VPS13B: variants seen among roughly 807,000 people sequenced by gnomAD.
VPS13B encodes intermembrane lipid transfer protein VPS13B.
In VPS13B, 285 loss-of-function variants were observed where a neutral mutation model predicts 426.4. The observed-to-expected ratio is 0.67, with a 90% confidence interval of 0.61 to 0.74. The LOEUF (loss-of-function observed/expected upper bound fraction) is 0.74. Among genes scored for constraint, VPS13B ranks in the 30% least tolerant of loss-of-function variants. VPS13B has a pLI of 0.00. For synonymous variants in VPS13B, 1,676 were observed against 1,676.4 expected, an observed-to-expected ratio of 1.00 and a Z score of 0.01; for missense variants, 4,537 against 4,782.6, an observed-to-expected ratio of 0.95 and a Z score of 1.51.
At chr8:99,090,185 TAAGAG>T (rs942394349) in intron 3 of VPS13B, among the ~76,000 whole-genome samples, 1 of 152,110 alleles carries the variant, frequency 6.6e-6, no homozygotes, top group African/African-American at 2.4e-5. Context: ...CCACTTTTCT[TAAGAG>T]AAGCTCTACT....
intron 18 of VPS13B, 123 bp from the exon 19 acceptor site, chr8:99,274,958 A>G: frequency 1.2e-6 from 1 of 854,222 alleles, no homozygotes; most frequent in Non-Finnish European, 1.7e-6. Context: ...AATTAAATGT[A>G]TAGCTAATAT....
At position 99,534,144 on chromosome 8, in the gene VPS13B, G is replaced by A. The variant is rs568622056; in HGVS notation, c.4745+13134G>A. Among the ~76,000 whole-genome samples, 6 of 152,076 alleles carry A rather than the reference G, an allele frequency of 3.9e-5. No homozygotes were observed. The South Asian group carries it at 6.2e-4, about 16-fold the overall frequency. On this transcript the variant is annotated intron_variant, in intron 30 of 61. Coordinates refer to ENST00000357162, the MANE Select transcript of VPS13B (RefSeq NM_152564.5). ...AAAAGCTTTGTTTGAAAATATTATC[G>A]GCAGAGTTTTAGTGCGTCATGGTAT...
chr8:99,827,004 T>C (rs188819624), intron 51 of VPS13B, among the ~76,000 whole-genome samples: 116 of 152,322 alleles, frequency 7.6e-4, no homozygotes, highest in Non-Finnish European at 1.3e-3. Context: ...GCATCAGTGT[T>C]CATCAGGGAT....
At chr8:99,821,707 C>A (rs1563491415) in intron 50 of VPS13B, among the ~76,000 whole-genome samples, 2 of 152,008 alleles carry the variant, frequency 1.3e-5, no homozygotes, top group African/African-American at 2.4e-5. Flanking sequence ...AATAATTGTT[C>A]TATTTCAGAA....
intron 30 of VPS13B, among the ~76,000 whole-genome samples, chr8:99,535,840 A>G (rs1823182328): frequency 1.3e-5 from 2 of 152,170 alleles, no homozygotes; most frequent in Non-Finnish European, 2.9e-5. Flanking sequence ...CAATGTTTAC[A>G]TTGTGAAAAC....
At chr8:99,808,150 C>G (rs774777999) in intron 43 of VPS13B, among the ~76,000 whole-genome samples, 42 of 151,972 alleles carry the variant, frequency 2.8e-4, no homozygotes, top group Non-Finnish European at 2.9e-5. Context: ...CTTTGGTTAG[C>G]TCTGTTAAAA....
At chr8:99,233,610 G>T in intron 17 of VPS13B, 1 of 1,192,184 alleles carries the variant, frequency 8.4e-7, no homozygotes, top group Non-Finnish European at 1.3e-6. Flanking sequence ...AAGGCCTCAC[G>T]CAGCTTCTTC....
In VPS13B at chr8:99,706,557, C is replaced by G. The variant is rs368111171; in HGVS notation, c.6454+6625C>G. 7.2e-5 allele frequency among the ~76,000 whole-genome samples: 11 copies of G among 152,228 alleles called. 2 individuals carry two copies. The highest frequency in any genetic ancestry group is 2.6e-4 in the African/African-American group (11 of 41,554). Reference sequence around the variant, plus strand: ...ATTATAGTCTTCCATGTAAATCCACCTTCAGATCTTATCTTTAACCAAATT... The same window carrying G: ...ATTATAGTCTTCCATGTAAATCCACGTTCAGATCTTATCTTTAACCAAATT... On this transcript the variant is annotated intron_variant, in intron 36 of 61. Transcript: ENST00000357162.
chr8:99,483,064 A>G (rs1820127730), intron 25 of VPS13B, among the ~76,000 whole-genome samples: 1 of 152,158 alleles, frequency 6.6e-6, no homozygotes, highest in South Asian at 2.1e-4. Flanking sequence ...ACAGAATGGG[A>G]TAAGAATCAA....
intron 19 of VPS13B, among the ~76,000 whole-genome samples, chr8:99,313,093 C>T (rs559251092): frequency 6.6e-5 from 10 of 152,238 alleles, no homozygotes; most frequent in Middle Eastern, 3.4e-3. Context: ...AGGTTTTCAG[C>T]TTCTTTGAGA....
chr8:99,876,562 C>T lies in VPS13B; in HGVS notation c.*896C>T, dbSNP rs1286166233. On this transcript the variant is annotated 3_prime_UTR_variant, in exon 62 of 62. Coordinates refer to ENST00000357162, the MANE Select transcript of VPS13B (RefSeq NM_152564.5). ...TGGTATGCCATAGAGCACACAAGAA[C>T]CCCAATATTAATGCTAACAATTATA... is the stretch of plus-strand genomic sequence containing the variant. 2 of 152,138 alleles carry T rather than the reference C, an allele frequency of 1.3e-5. No individual in the cohort carries two copies. The highest frequency in any genetic ancestry group is 4.8e-5 in the African/African-American group (2 of 41,436). The allele number at this position is 152,138 out of a possible 1,614,324, so 9.4% of individuals were successfully genotyped here. A position where few individuals can be genotyped will look rare whatever the true frequency, so the allele number is the denominator to read the frequency against.
chr8:99,322,273 G>A (rs1042877809), intron 19 of VPS13B, among the ~76,000 whole-genome samples: 7 of 152,078 alleles, frequency 4.6e-5, no homozygotes, highest in African/African-American at 9.7e-5. Flanking sequence ...ATGTACAAAT[G>A]CTCTATGAAA....
At chr8:99,532,882 A>T (rs1365556525) in intron 30 of VPS13B, among the ~76,000 whole-genome samples, 4 of 151,284 alleles carry the variant, frequency 2.6e-5, no homozygotes, top group South Asian at 2.1e-4. Context: ...AAGTTTTTTT[A>T]AAATTAATCT....
intron 25 of VPS13B, among the ~76,000 whole-genome samples, chr8:99,496,199 T>C (rs1252027194): frequency 1.3e-5 from 2 of 152,218 alleles, no homozygotes; most frequent in African/African-American, 4.8e-5. Flanking sequence ...CTTTATATTT[T>C]ATGAAGAACA....
At chr8:99,312,972 G>A (rs749407839) in intron 19 of VPS13B, among the ~76,000 whole-genome samples, 3 of 152,126 alleles carry the variant, frequency 2.0e-5, no homozygotes, top group African/African-American at 7.2e-5. Context: ...GCTAAGGAAG[G>A]TTGTGCATTT....
chr8:99,134,959 T>G, intron 9 of VPS13B, 56 bp from the exon 10 acceptor site: 1 of 1,602,780 alleles, frequency 6.2e-7, no homozygotes, highest in South Asian at 1.1e-5. Context: ...AAGGAAAGCC[T>G]CTAACATTTT....
intron 43 of VPS13B, among the ~76,000 whole-genome samples, chr8:99,799,370 G>A (rs1028157276): frequency 4.6e-5 from 7 of 152,102 alleles, no homozygotes; most frequent in Non-Finnish European, 8.8e-5. Context: ...TTACACTTGG[G>A]GATAAAATGA....
chr8:99,462,333 A>G (rs1180219332), intron 23 of VPS13B, among the ~76,000 whole-genome samples: 1 of 152,092 alleles, frequency 6.6e-6, no homozygotes, highest in Non-Finnish European at 1.5e-5. Context: ...TTGGTTGTCA[A>G]ATCGATTAGA....
intron 3 of VPS13B, among the ~76,000 whole-genome samples, chr8:99,067,936 G>T (rs1844627314): frequency 6.6e-6 from 1 of 151,926 alleles, no homozygotes; most frequent in Non-Finnish European, 1.5e-5. Flanking sequence ...TTCCTCCCAT[G>T]CTCCCATTGT....
Sources: gnomAD v4.1 joint callset for allele counts (sites outside exome capture counted in the v4.1 genomes callset) on GRCh38, gnomAD v4.1.1 for gene constraint, MANE v1.5 for transcripts, NCBI Gene and HGNC (gene_info 2026-07-23, HGNC 2026-07-21) for gene names.